Variants in CORO1C observed in about 807,000 individuals in gnomAD.
CORO1C encodes the protein coronin 1C.
A neutral mutation model predicts 51.2 loss-of-function variants in CORO1C; 14 were observed. The observed-to-expected ratio is 0.27, with a 90% CI of 0.18 to 0.43. The LOEUF is 0.43. Among genes scored for constraint, CORO1C ranks in the 20% least tolerant of loss-of-function variants. The pLI is 1.00. For synonymous variants in CORO1C, 181 were observed against 210.5 expected (o/e 0.86, Z 1.21); for missense variants, 417 against 607.8 (o/e 0.69, Z 3.30).
At chr12:108,703,243 C>T (rs923444762) in intron 1 of CORO1C, among the ~76,000 whole-genome samples, 1 of 152,178 alleles carries the variant, frequency 6.6e-6, no homozygotes, top group Non-Finnish European at 1.5e-5. Flanking sequence ...AAAAGGATTG[C>T]ACCATGTCAG....
chr12:108,712,691 T>C (rs2035218235), intron 1 of CORO1C, among the ~76,000 whole-genome samples: 2 of 148,536 alleles, frequency 1.3e-5, no homozygotes, highest in African/African-American at 2.5e-5. Flanking sequence ...TGATTAAATA[T>C]AAAAATTTGG....
At chr12:108,693,047 C>T (rs1024945068) in intron 2 of CORO1C, among the ~76,000 whole-genome samples, 1 of 152,090 alleles carries the variant, frequency 6.6e-6, no homozygotes, top group Non-Finnish European at 1.5e-5. Context: ...ATCCACCTGC[C>T]TCGGCCTCCC....
At chr12:108,727,403 A>G (rs886136264) in intron 1 of CORO1C, among the ~76,000 whole-genome samples, 1 of 152,240 alleles carries the variant, frequency 6.6e-6, no homozygotes, top group Non-Finnish European at 1.5e-5. Flanking sequence ...AAGATTTGAA[A>G]GCTGGGATGT....
chr12:108,717,725 A>G (rs1277425309), intron 1 of CORO1C, among the ~76,000 whole-genome samples: 1 of 152,228 alleles, frequency 6.6e-6, no homozygotes, highest in Non-Finnish European at 1.5e-5. Context: ...ACCTCTTAGT[A>G]GTAGCTTCAA....
At chr12:108,688,946 G>T (rs12312512) in intron 2 of CORO1C, among the ~76,000 whole-genome samples, 11,189 of 151,654 alleles carry the variant, frequency 0.074, 733 homozygotes, top group African/African-American at 0.17. Context: ...CAGGAGAATT[G>T]CTTGAGCCTG....
chr12:108,688,755 G>A (rs1335337502), intron 2 of CORO1C, among the ~76,000 whole-genome samples: 1 of 152,044 alleles, frequency 6.6e-6, no homozygotes, highest in East Asian at 1.9e-4. Flanking sequence ...AAAAATACAG[G>A]CCGGGCACGG....
At chr12:108,716,711 T>C (rs1351165245) in intron 1 of CORO1C, among the ~76,000 whole-genome samples, 3 of 152,182 alleles carry the variant, frequency 2.0e-5, no homozygotes, top group Non-Finnish European at 4.4e-5. Context: ...TAGGGTCCTA[T>C]CAGAGTCTAC....
intron 1 of CORO1C, among the ~76,000 whole-genome samples, chr12:108,705,216 C>T (rs1407841684): frequency 2.0e-5 from 3 of 152,014 alleles, no homozygotes; most frequent in Non-Finnish European, 4.4e-5. Context: ...TGGTGGCTCA[C>T]GCCTGTAATC....
chr12:108,711,081 T>C lies in CORO1C; in HGVS notation c.-5-9758A>G, dbSNP rs866433233. Among the ~76,000 whole-genome samples, 5 of 152,206 alleles carry C rather than the reference T, an allele frequency of 3.3e-5. No individual in the cohort carries two copies. The South Asian group carries it at 1.0e-3, about 32-fold the overall frequency. On this transcript the variant is annotated intron_variant, in intron 1 of 10. Coordinates refer to ENST00000261401, the MANE Select transcript of CORO1C (RefSeq NM_014325.4). ...TGAAGTTAAATGTACAAAATTTACA[T>C]GCCAGGCACAGTGGTTCATAGTTGT... is the stretch of plus-strand genomic sequence containing the variant.
intron 1 of CORO1C, among the ~76,000 whole-genome samples, chr12:108,705,996 G>A (rs2035017522): frequency 6.6e-6 from 1 of 152,014 alleles, no homozygotes; most frequent in Non-Finnish European, 1.5e-5. Context: ...AGACCAGCTT[G>A]CACAACATGG....
rs552193464 is a variant in CORO1C at position 108,661,668 on chromosome 12, C to T, written c.448+361G>A. On this transcript the variant is annotated intron_variant, in intron 4 of 10. Coordinates refer to ENST00000261401, the MANE Select transcript of CORO1C (RefSeq NM_014325.4). Reference sequence around the variant, plus strand: ...GGGTCTCCCAAAGCTGGCAGCAACACCACAGAGGGAACACAGGGCTTCTGG... The same window carrying T: ...GGGTCTCCCAAAGCTGGCAGCAACATCACAGAGGGAACACAGGGCTTCTGG... 3.9e-5 allele frequency among the ~76,000 whole-genome samples: 6 copies of T among 152,232 alleles called. No homozygotes were observed. In the South Asian group the frequency reaches 1.2e-3, roughly 32 times the overall value.
chr12:108,654,704 T>C (rs2032853959), intron 6 of CORO1C, among the ~76,000 whole-genome samples: 2 of 151,760 alleles, frequency 1.3e-5, no homozygotes, highest in South Asian at 4.1e-4. Context: ...GTTTTCTTTT[T>C]CTTTTTTTTT....
chr12:108,720,968 A>C (rs1381456946), intron 1 of CORO1C, among the ~76,000 whole-genome samples: 3 of 152,162 alleles, frequency 2.0e-5, no homozygotes, highest in Admixed American at 1.3e-4. Flanking sequence ...AACAGCTACT[A>C]TGCACCAGGC....
chr12:108,696,857 ATATTCCTC>A (rs1214860442), intron 2 of CORO1C, among the ~76,000 whole-genome samples: 1 of 152,202 alleles, frequency 6.6e-6, no homozygotes, highest in African/African-American at 2.4e-5. Flanking sequence ...AGGACTTTCT[ATATTCCTC>A]CGGCAGTGAC....
intron 1 of CORO1C, among the ~76,000 whole-genome samples, chr12:108,708,748 C>G (rs1294177781): frequency 1.3e-5 from 2 of 152,150 alleles, no homozygotes; most frequent in African/African-American, 4.8e-5. Flanking sequence ...GGGCGTGAGC[C>G]ACCGTGCTCG....
At chr12:108,685,749 A>T (rs2034272030) in intron 2 of CORO1C, among the ~76,000 whole-genome samples, 1 of 152,186 alleles carries the variant, frequency 6.6e-6, no homozygotes, top group Non-Finnish European at 1.5e-5. Flanking sequence ...AATAAAACAG[A>T]GAAAGTAGTA....
Position 108,662,146 on chromosome 12 carries a change from G to A in CORO1C, c.331C>T (p.Pro111Ser), listed in dbSNP as rs267603290. Residue 111 changes from proline (P) to serine (S), a missense_variant, in exon 4 of 11, where the codon CCA (proline) becomes TCA (serine). By Grantham distance (74) the Pro-to-Ser change is moderately conservative. Transcript: ENST00000261401. Reference protein sequence around the residue: ...EDCTVMVWQIPENGLTLSLTE... With the variant: ...EDCTVMVWQISENGLTLSLTE... The stretch of plus-strand genomic sequence containing the variant: ...AGGGAAAGGGTGAGTCCATTTTCTG[G>A]GATCTGCCATACCTGTTGGACAAGG... The A allele has an allele frequency of 6.2e-7, 1 of 1,613,592 alleles. No individual in the cohort carries two copies. The highest frequency in any genetic ancestry group is 1.3e-5 in the African/African-American group (1 of 74,986).
chr12:108,654,223 C>T (rs909929805), intron 7 of CORO1C, 83 bp downstream of exon 7: 3 of 884,806 alleles, frequency 3.4e-6, no homozygotes, highest in African/African-American at 3.3e-5. Context: ...ACAGATACAA[C>T]ACATTGCCCG....
chr12:108,722,140 C>G (rs1565940847), intron 1 of CORO1C, among the ~76,000 whole-genome samples: 1 of 152,160 alleles, frequency 6.6e-6, no homozygotes, highest in Non-Finnish European at 1.5e-5. Flanking sequence ...AAGAGACAAT[C>G]TGTTTATCAG....
Sources: allele counts gnomAD v4.1 joint callset (sites outside exome capture counted in the v4.1 genomes callset), GRCh38; gene constraint gnomAD v4.1.1; transcripts MANE v1.5; gene names NCBI Gene and HGNC (gene_info 2026-07-23, HGNC 2026-07-21).